Variants in MYBPC1 observed in about 807,000 individuals in gnomAD.
MYBPC1 encodes the protein myosin binding protein C1.
In MYBPC1, 52 loss-of-function variants were observed where a neutral mutation model predicts 147.1. That is an observed-to-expected ratio of 0.35 (90% CI 0.28 to 0.45). The LOEUF (loss-of-function observed/expected upper bound fraction) is 0.45. MYBPC1 is among the 20% of genes least tolerant of loss of function. MYBPC1 has a pLI of 1.00. For missense variants in MYBPC1, 1,228 were observed against 1,440.3 expected (o/e 0.85, Z 2.39); for synonymous variants, 477 against 475.9 (o/e 1.00, Z -0.03).
At chr12:101,659,388 T>G (rs1896136421) in intron 18 of MYBPC1, among the ~76,000 whole-genome samples, 1 of 152,212 alleles carries the variant, frequency 6.6e-6, no homozygotes, top group Non-Finnish European at 1.5e-5. Context: ...ATCCCATTTC[T>G]GCTACTTCCT....
intron 2 of MYBPC1, among the ~76,000 whole-genome samples, chr12:101,616,880 T>C (rs1886221556): frequency 6.6e-6 from 1 of 152,330 alleles, no homozygotes. Flanking sequence ...GTGGCTCACA[T>C]TTGTTTTGCC....
intron 30 of MYBPC1, 69 bp from the exon 31 acceptor site, chr12:101,684,313 C>T (rs1951216556): frequency 8.3e-7 from 1 of 1,208,868 alleles, no homozygotes; most frequent in East Asian, 2.3e-5. Context: ...AACAAGTACT[C>T]AAGTTTGGTG....
intron 24 of MYBPC1, among the ~76,000 whole-genome samples, chr12:101,671,310 T>TACACACAC (rs5800480): frequency 9.5e-6 from 1 of 105,330 alleles, no homozygotes; most frequent in Admixed American, 1.2e-4. Context: ...GACACTCATA[T>TACACACAC]ACACACACAC....
intron 18 of MYBPC1, among the ~76,000 whole-genome samples, chr12:101,654,883 T>A (rs1028364348): frequency 6.6e-6 from 1 of 152,150 alleles, no homozygotes; most frequent in South Asian, 2.1e-4. Flanking sequence ...ACCCACCTAA[T>A]AAGTCATAAA....
chr12:101,607,031 G>A (rs548264661), intron 1 of MYBPC1, among the ~76,000 whole-genome samples: 4 of 152,162 alleles, frequency 2.6e-5, no homozygotes, highest in African/African-American at 9.6e-5. Flanking sequence ...TTGCCATGTT[G>A]CACAGGCTAC....
At chr12:101,661,441 T>A (rs1382421846) in intron 20 of MYBPC1, among the ~76,000 whole-genome samples, 179 bp downstream of exon 20, 1 of 152,244 alleles carries the variant, frequency 6.6e-6, no homozygotes, top group Non-Finnish European at 1.5e-5. Flanking sequence ...GAGATTTAAA[T>A]AGCTCTGATG....
intron 18 of MYBPC1, among the ~76,000 whole-genome samples, chr12:101,656,050 A>G (rs1895483965): frequency 6.6e-6 from 1 of 152,142 alleles, no homozygotes; most frequent in African/African-American, 2.4e-5. Flanking sequence ...GGAGAAAGGA[A>G]TTAGGGACAT....
At chr12:101,654,131 C>T (rs1303553590) in intron 18 of MYBPC1, among the ~76,000 whole-genome samples, 1 of 152,174 alleles carries the variant, frequency 6.6e-6, no homozygotes, top group Admixed American at 6.5e-5. Context: ...TGCTGGAACC[C>T]GGGAGGCAGA....
intron 1 of MYBPC1, among the ~76,000 whole-genome samples, 174 bp from the exon 2 acceptor site, chr12:101,614,322 G>T (rs1000103246): frequency 3.3e-5 from 5 of 150,306 alleles, no homozygotes; most frequent in Non-Finnish European, 5.9e-5. Context: ...GTGTGTGTGT[G>T]TGTGAGAGAG....
chr12:101,621,073 AT>A (rs1887265993), intron 3 of MYBPC1, among the ~76,000 whole-genome samples: 1 of 152,188 alleles, frequency 6.6e-6, no homozygotes, highest in Non-Finnish European at 1.5e-5. Flanking sequence ...TAAAAAAATG[AT>A]TTTTAAAAAA....
At chr12:101,624,717 G>T (rs1888182272) in intron 3 of MYBPC1, among the ~76,000 whole-genome samples, 2 of 84,690 alleles carry the variant, frequency 2.4e-5, no homozygotes, top group African/African-American at 4.9e-5. Flanking sequence ...TTTACGGAGA[G>T]AGTCTTGTTA....
chr12:101,671,879 T>A (rs1313116733), intron 24 of MYBPC1, among the ~76,000 whole-genome samples: 1 of 152,232 alleles, frequency 6.6e-6, no homozygotes, highest in African/African-American at 2.4e-5. Flanking sequence ...TGTATATTTG[T>A]GTAATCTCTA....
In MYBPC1 at chr12:101,627,033, C is replaced by G; in HGVS notation, c.142+123C>G. 8.2e-6 allele frequency: 7 copies of G among 856,750 alleles called. No individual in the cohort carries two copies. The South Asian group carries it at 1.0e-4, about 13-fold the overall frequency. 53.1% of individuals were successfully genotyped at this position (856,750 alleles called of 1,614,324 possible). On this transcript the variant is annotated intron_variant, in intron 4 of 31. Transcript: ENST00000361466. Reference sequence around the variant, plus strand: ...CACAGAGCAGGGGCAACAGTTTTCGCCTGTGCTGGCACCAAGAAGGAAATG... The same window carrying G: ...CACAGAGCAGGGGCAACAGTTTTCGGCTGTGCTGGCACCAAGAAGGAAATG...
chr12:101,688,969 GAAA>G (rs751592900), downstream of MYBPC1, among the ~76,000 whole-genome samples: 1 of 54,702 alleles, frequency 1.8e-5, no homozygotes, highest in South Asian at 4.7e-4. Context: ...AAAAAAAAAA[GAAA>G]AAGAAAAAAA....
chr12:101,620,155 A>G (rs1887049044), intron 3 of MYBPC1, among the ~76,000 whole-genome samples: 1 of 152,184 alleles, frequency 6.6e-6, no homozygotes, highest in South Asian at 2.1e-4. Flanking sequence ...GAAACAAGAG[A>G]GATGACAATA....
chr12:101,626,377 T>C (rs1413629357), intron 3 of MYBPC1, among the ~76,000 whole-genome samples: 1 of 152,208 alleles, frequency 6.6e-6, no homozygotes, highest in Non-Finnish European at 1.5e-5. Context: ...TAACTTATCT[T>C]GACTTTTGTT....
downstream of MYBPC1, among the ~76,000 whole-genome samples, chr12:101,687,115 G>A (rs897874754): frequency 6.6e-6 from 1 of 151,618 alleles, no homozygotes; most frequent in African/African-American, 2.4e-5. Context: ...GGGTACATGT[G>A]CGCAACGTGC....
Position 101,678,246 on chromosome 12 carries a change from G to A in MYBPC1, c.3246+8G>A. 1 of 1,613,944 alleles carries A rather than the reference G, an allele frequency of 6.2e-7. No individual in the cohort carries two copies. Among genetic ancestry groups the A allele is most frequent in the African/African-American group, 1.3e-5 (1 of 75,040 alleles). On this transcript the variant is annotated splice_region_variant and intron_variant, in intron 28 of 31. Coordinates refer to ENST00000361466, the MANE Select transcript of MYBPC1 (RefSeq NM_002465.4). ...GTGAGAGGAAATCCTAAGGTACCATGTTCTTCTATCACATCAGTTAAAGTC... is the reference window on the plus strand; with the variant it reads ...GTGAGAGGAAATCCTAAGGTACCATATTCTTCTATCACATCAGTTAAAGTC...
chr12:101,598,586 C>T (rs7301191), intron 1 of MYBPC1, among the ~76,000 whole-genome samples: 17,962 of 151,926 alleles, frequency 0.12, 2,291 homozygotes, highest in African/African-American at 0.31. Flanking sequence ...TATTTTTTAT[C>T]TTTTTGAGAA....
Sources: gnomAD v4.1 joint callset for allele counts (sites outside exome capture counted in the v4.1 genomes callset) on GRCh38, gnomAD v4.1.1 for gene constraint, MANE v1.5 for transcripts, NCBI Gene and HGNC (gene_info 2026-07-23, HGNC 2026-07-21) for gene names.